The following ASMTL variants were observed in gnomAD, a reference collection of about 807,000 sequenced individuals.
ASMTL encodes the protein acetylserotonin O-methyltransferase like.
A neutral mutation model predicts 60.3 loss-of-function variants in ASMTL; 57 were observed. The observed-to-expected ratio is 0.95, with a 90% CI of 0.76 to 1.18. The LOEUF (loss-of-function observed/expected upper bound fraction) is 1.18. Ranked by LOEUF, ASMTL falls within the 50% of genes most tolerant of loss-of-function variation. The probability of loss-of-function intolerance (pLI) is 0.00; values close to 1 mark genes in which losing one functional copy is unlikely to be tolerated. For synonymous variants in ASMTL, 419 were observed against 373.0 expected, an observed-to-expected ratio of 1.12 and a Z score of -1.42; for missense variants, 981 against 852.6, an observed-to-expected ratio of 1.15 and a Z score of -1.88.
In ASMTL at chrX:1,410,558, C is replaced by T. The variant is rs771755931; in HGVS notation, c.1645+2174G>A. Among the ~76,000 whole-genome samples the T allele has an allele frequency of 8.5e-5, 13 of 152,112 alleles. No homozygotes were observed. In the South Asian group the frequency reaches 2.5e-3, roughly 29 times the overall value. ...CCTCCTGAGTAGCTAGAATTAGAGG[C>T]GTGCACCACTACGCCGGACTAATTT... is the stretch of plus-strand genomic sequence containing the variant. On this transcript the variant is annotated intron_variant, in intron 12 of 12. Coordinates refer to ENST00000381317, the MANE Select transcript of ASMTL (RefSeq NM_004192.4).
intron 3 of ASMTL, among the ~76,000 whole-genome samples, chrX:1,437,296 T>C (rs2090990945): frequency 6.6e-6 from 1 of 151,588 alleles, no homozygotes. Flanking sequence ...TGTGTCCTTA[T>C]CTGCTCTTCT....
rs776587004 is a variant in ASMTL at position 1,403,363 on chromosome X, T to C, written c.1772A>G (p.Gln591Arg). The C allele has an allele frequency of 3.1e-6, 5 of 1,613,454 alleles. No individual in the cohort carries two copies. The South Asian group carries it at 5.5e-5, about 18-fold the overall frequency. Reference protein sequence around the residue: ...EGKERSLGEYQCLLELHGFHQ... With the variant: ...EGKERSLGEYRCLLELHGFHQ... ...GAAGCCGTGCAGCTCCAGCAAGCAC[T>C]GATACTCGCCCAGGCTCCGCTCCTT... The change falls in exon 13 of 13, where the codon CAG becomes CGG. Residue 591 changes from glutamine to arginine, a missense_variant. Coordinates refer to ENST00000381317, the MANE Select transcript of ASMTL (RefSeq NM_004192.4).
intron 3 of ASMTL, among the ~76,000 whole-genome samples, chrX:1,436,081 G>GA (rs1338322870): frequency 5.3e-5 from 8 of 152,170 alleles, no homozygotes; most frequent in African/African-American, 1.9e-4. Context: ...TGTAGTCATG[G>GA]AATCCTGCAA....
rs1438565027 is a variant in ASMTL, at chrX:1,418,011, G to A, written c.1484C>T (p.Pro495Leu). The A allele has an allele frequency of 3.1e-6, 5 of 1,613,410 alleles. No homozygotes were observed. The highest frequency in any genetic ancestry group is 4.2e-6 in the Non-Finnish European group (5 of 1,179,632). Residue 495 changes from proline to leucine, a missense_variant, in exon 11 of 13, where the codon CCC becomes CTC. Pro to Leu is a moderately conservative substitution (Grantham distance 98, BLOSUM62 -3). Coordinates refer to ENST00000381317, the MANE Select transcript of ASMTL (RefSeq NM_004192.4). Reference protein sequence around the residue: ...DIIELAAHFQPPGPQAVQIHF... With the variant: ...DIIELAAHFQLPGPQAVQIHF... Reference sequence around the variant, plus strand: ...GATCTGCACTGCCTGCGGTCCGGGGGGTTGGAAGTGGGCGGCCAGCTCGAT... The same window carrying A: ...GATCTGCACTGCCTGCGGTCCGGGGAGTTGGAAGTGGGCGGCCAGCTCGAT...
At chrX:1,452,483 C>A (rs753511028) in intron 1 of ASMTL, among the ~76,000 whole-genome samples, 3 of 150,928 alleles carry the variant, frequency 2.0e-5, no homozygotes, top group Admixed American at 2.0e-4. Context: ...ACGATCCCCT[C>A]CCCCATCCCT....
chrX:1,427,838 C>T lies in ASMTL; in HGVS notation c.793G>A (p.Ala265Thr). 6.2e-7 allele frequency: 1 copy of T among 1,613,218 alleles called. No individual in the cohort carries two copies. Among genetic ancestry groups the T allele is most frequent in the Non-Finnish European group, 8.5e-7 (1 of 1,179,838 alleles). The change falls in exon 7 of 13, where the codon GCG (alanine) becomes ACG (threonine). Residue 265 changes from alanine to threonine, a missense_variant. By Grantham distance (58) the Ala-to-Thr change is moderately conservative (BLOSUM62 0). Transcript: ENST00000381317. ...SRDEKAEAGE[A>T]GQATAEAECH... ...TCAGCCTCTGCCGTGGCCTGTCCCG[C>T]CTCTCCCGCCTCGGCCTTCTCATCG...
intron 11 of ASMTL, among the ~76,000 whole-genome samples, chrX:1,416,664 T>G (rs1359158113): frequency 7.3e-6 from 1 of 137,380 alleles, no homozygotes; most frequent in South Asian, 2.3e-4. Flanking sequence ...CCACAGAGAG[T>G]TGCACACACA....
rs754926342 is a variant in ASMTL at position 1,416,030 on chromosome X, CAG to C, written c.1522+1941_1522+1942del. Among the ~76,000 whole-genome samples, 76 of 115,568 alleles carry C rather than the reference CAG, an allele frequency of 6.6e-4. 1 individual carries two copies. The highest frequency in any genetic ancestry group is 2.2e-3 in the African/African-American group (71 of 32,270). 75.8% of individuals were successfully genotyped at this position (115,568 alleles called of 152,430 possible). A position where few individuals can be genotyped will look rare whatever the true frequency, so the allele number is the denominator to read the frequency against. ...ACAGGCACACACACACACACGGACACAGATACAGTGACAGGCACACGCGCACA... is the reference window on the plus strand; with the variant it reads ...ACAGGCACACACACACACACGGACACATACAGTGACAGGCACACGCGCACA... On this transcript the variant is annotated intron_variant, in intron 11 of 12. Transcript: ENST00000381317.
intron 3 of ASMTL, among the ~76,000 whole-genome samples, chrX:1,436,978 T>G (rs2090982916): frequency 6.6e-6 from 1 of 152,242 alleles, no homozygotes; most frequent in Admixed American, 6.5e-5. Context: ...GGCTGGTTCC[T>G]CCTGAAGCCT....
chrX:1,450,144 AC>A (rs2091326875), intron 1 of ASMTL, among the ~76,000 whole-genome samples: 1 of 150,528 alleles, frequency 6.6e-6, no homozygotes, highest in Non-Finnish European at 1.5e-5. Flanking sequence ...ATCCCACATC[AC>A]CTATAACTAT....
intron 11 of ASMTL, among the ~76,000 whole-genome samples, chrX:1,413,453 G>A (rs1343660284): frequency 1.3e-5 from 2 of 152,236 alleles, no homozygotes; most frequent in Non-Finnish European, 2.9e-5. Flanking sequence ...CCGCACTGCC[G>A]GTGAGTGGGC....
chrX:1,418,988 C>G lies in ASMTL; in HGVS notation c.1372G>C (p.Val458Leu), dbSNP rs4503285. 3.1e-6 allele frequency: 5 copies of G among 1,611,446 alleles called. No individual in the cohort carries two copies. The African/African-American group carries it at 4.0e-5, about 13-fold the overall frequency. ...NLSRFSSACD[V>L]GGCTGALARE... is the part of the protein sequence containing the mutation. ...TGGCGGGGGGGCCACCCACCTCCCA[C>G]GTCGCAGGCGGAGGAGAAGCGGGAC... Residue 458 changes from valine (V) to leucine (L), a missense_variant, in exon 10 of 13, where the codon GTG (valine) becomes CTG (leucine). Val to Leu is a conservative substitution (Grantham distance 32, BLOSUM62 1). Coordinates refer to ENST00000381317, the MANE Select transcript of ASMTL (RefSeq NM_004192.4).
intron 1 of ASMTL, among the ~76,000 whole-genome samples, chrX:1,450,428 C>G (rs1242529367): frequency 6.6e-5 from 10 of 151,598 alleles, no homozygotes; most frequent in African/African-American, 2.4e-4. Flanking sequence ...CTCCCCTCCC[C>G]CACCCCTAGG....
chrX:1,412,774 C>G lies in ASMTL; in HGVS notation c.1603G>C (p.Val535Leu), dbSNP rs372291076. ...RILHDWPDDKVHKLLSRVAES... is the reference protein window; with the variant it reads ...RILHDWPDDKLHKLLSRVAES... ...GCGACCCTGCTGAGTAACTTGTGGA[C>G]TTTGTCGTCTGGCCAGTCATGCAGG... is the stretch of plus-strand genomic sequence containing the variant. Residue 535 changes from valine to leucine, a missense_variant, in exon 12 of 13, where the codon GTC (valine) becomes CTC (leucine). Physicochemically the swap from Val to Leu is conservative, Grantham distance 32. Transcript: ENST00000381317. 1 of 1,613,850 alleles carries G rather than the reference C, an allele frequency of 6.2e-7. No individual in the cohort carries two copies. Among genetic ancestry groups the G allele is most frequent in the Non-Finnish European group, 8.5e-7 (1 of 1,179,872 alleles).
chrX:1,435,343 CA>C (rs1464267257), intron 4 of ASMTL: 2 of 610,698 alleles, frequency 3.3e-6, no homozygotes, highest in Non-Finnish European at 5.9e-6. Context: ...CTATGGCGGG[CA>C]GGGGGTGCAT....
At chrX:1,428,199 G>A (rs1489850679) in intron 6 of ASMTL, 78 bp from the exon 7 acceptor site, 3 of 1,496,366 alleles carry the variant, frequency 2.0e-6, no homozygotes, top group Admixed American at 2.0e-5. Flanking sequence ...GCTGGGAGGC[G>A]GAGGTGGGTG....
In ASMTL at chrX:1,452,744, G is replaced by C; in HGVS notation, c.93+4C>G. On this transcript the variant is annotated splice_donor_region_variant and intron_variant, in intron 1 of 12. Transcript: ENST00000381317. ...CCCCTGCCCCGCCCAGGCCCAGGCC[G>C]TACCGCGTTGCTGAGGATCTCCTGA... is the stretch of plus-strand genomic sequence containing the variant. 6.3e-7 allele frequency: 1 copy of C among 1,580,766 alleles called. No homozygotes were observed. Among genetic ancestry groups the C allele is most frequent in the Non-Finnish European group, 8.5e-7 (1 of 1,169,908 alleles).
At chrX:1,431,497 A>G (rs1275198602) in intron 6 of ASMTL, among the ~76,000 whole-genome samples, 1 of 139,704 alleles carries the variant, frequency 7.2e-6, no homozygotes, top group East Asian at 2.1e-4. Context: ...ATCACTACTT[A>G]TTAAAATTAA....
At chrX:1,444,460 C>T (rs1289516432) in intron 1 of ASMTL, among the ~76,000 whole-genome samples, 21 of 152,154 alleles carry the variant, frequency 1.4e-4, no homozygotes, top group Non-Finnish European at 2.8e-4. Context: ...CCGCCCGCCT[C>T]GGCCTCCCAA....
Sources: gnomAD v4.1 joint callset for allele counts (sites outside exome capture counted in the v4.1 genomes callset) on GRCh38, gnomAD v4.1.1 for gene constraint, MANE v1.5 for transcripts, NCBI Gene and HGNC (gene_info 2026-07-23, HGNC 2026-07-21) for gene names.